WNT7B: variants seen among roughly 807,000 people sequenced by gnomAD.
WNT7B encodes the protein protein Wnt-7b.
In WNT7B, 19 loss-of-function variants were observed where a neutral mutation model predicts 38.2. That is an observed-to-expected ratio of 0.50 (90% confidence interval 0.35 to 0.73). The LOEUF is 0.73. WNT7B is among the 30% of genes least tolerant of loss of function. WNT7B has a pLI of 0.01. For missense variants in WNT7B, 423 were observed against 507.9 expected, an observed-to-expected ratio of 0.83 and a Z score of 1.61; for synonymous variants, 243 against 209.3, an observed-to-expected ratio of 1.16 and a Z score of -1.39.
chr22:45,954,037 C>G (rs1365431332), intron 1 of WNT7B, among the ~76,000 whole-genome samples: 1 of 152,142 alleles, frequency 6.6e-6, no homozygotes, highest in Non-Finnish European at 1.5e-5. Context: ...GTGGATAAAC[C>G]AAATGTGGTC....
chr22:45,945,804 C>T (rs1196855850), intron 2 of WNT7B, among the ~76,000 whole-genome samples: 3 of 152,246 alleles, frequency 2.0e-5, no homozygotes, highest in Middle Eastern at 3.2e-3. Flanking sequence ...TGAGCCCCTG[C>T]TGTGTGCAGC....
chr22:45,929,126 T>C (rs1037525147), intron 3 of WNT7B, among the ~76,000 whole-genome samples: 5 of 152,172 alleles, frequency 3.3e-5, no homozygotes, highest in Admixed American at 6.5e-5. Context: ...GGCTCGAGGA[T>C]GGTGGTGGTT....
intron 2 of WNT7B, among the ~76,000 whole-genome samples, chr22:45,935,126 C>A (rs958165049): frequency 6.6e-6 from 1 of 152,200 alleles, no homozygotes; most frequent in Non-Finnish European, 1.5e-5. Context: ...CTCCTGGGGC[C>A]GTGACTGGGC....
rs1178454403 is a variant in WNT7B at position 45,971,903 on chromosome 22, G to C, written c.71+4781C>G. Reference sequence around the variant, plus strand: ...CACAGCCTGCTCTACTCCCGCAGTCGAGCCGCTCTCAGGCCATCCTTTCTT... The same window carrying C: ...CACAGCCTGCTCTACTCCCGCAGTCCAGCCGCTCTCAGGCCATCCTTTCTT... On this transcript the variant is annotated intron_variant, in intron 1 of 3. Coordinates refer to ENST00000339464, the MANE Select transcript of WNT7B (RefSeq NM_058238.3). Among the ~76,000 whole-genome samples, 7 of 152,166 alleles carry C rather than the reference G, an allele frequency of 4.6e-5. No individual in the cohort carries two copies. In the South Asian group the frequency reaches 1.2e-3, roughly 27 times the overall value.
intron 3 of WNT7B, among the ~76,000 whole-genome samples, chr22:45,930,737 TCCGGGA>T (rs1931319280): frequency 6.6e-6 from 1 of 152,156 alleles, no homozygotes; most frequent in South Asian, 2.1e-4. Flanking sequence ...CGAGGTGACC[TCCGGGA>T]CCAGGAACGC....
chr22:45,940,652 C>T (rs745612438), intron 2 of WNT7B, among the ~76,000 whole-genome samples: 6 of 152,150 alleles, frequency 3.9e-5, no homozygotes, highest in Non-Finnish European at 7.4e-5. Flanking sequence ...ACACTGAACC[C>T]GGGGAGCAGA....
chr22:45,925,249 C>T (rs369020815), intron 3 of WNT7B: 1 of 984,564 alleles, frequency 1.0e-6, no homozygotes. Context: ...GCTGTGTGGG[C>T]CCTAGGCTGG....
chr22:45,927,047 G>A (rs1216174094), intron 3 of WNT7B: 1 of 985,314 alleles, frequency 1.0e-6, no homozygotes, highest in Non-Finnish European at 1.2e-6. Flanking sequence ...CACCAAGAGA[G>A]GTGCCCTCAG....
rs1931340696 is a variant in WNT7B, at chr22:45,931,173, G to C, written c.495C>G (p.Arg165=). Residue 165 remains arginine, a synonymous_variant, in exon 3 of 4, where the codon CGC becomes CGG. Coordinates refer to ENST00000339464, the MANE Select transcript of WNT7B (RefSeq NM_058238.3). ...TCTTGATCTCCCGAGCGTCCACGAA[G>C]CGCCGGGAGAAGTCGATGCCGTAAC... The part of the protein sequence containing the change: ...DVRYGIDFSR[R]FVDAREIKKN... 1.3e-6 allele frequency: 2 copies of C among 1,599,566 alleles called. No homozygotes were observed.
intron 1 of WNT7B, among the ~76,000 whole-genome samples, chr22:45,957,682 CAAAAAAAAAAAAAAAAA>C (rs367797133): frequency 0.011 from 411 of 36,034 alleles, 13 homozygotes; most frequent in Admixed American, 0.031. Flanking sequence ...GACTCCGTCT[CAAAAAAAAAAAAAAAAA>C]AAAAAAAAAA....
intron 1 of WNT7B, among the ~76,000 whole-genome samples, chr22:45,970,950 G>C (rs1932422302): frequency 1.3e-5 from 2 of 152,264 alleles, no homozygotes; most frequent in South Asian, 4.1e-4. Context: ...CCCGGACCTT[G>C]TAATTATGTC....
chr22:45,975,670 G>A lies in WNT7B; in HGVS notation c.71+1014C>T, dbSNP rs2146759050. 1 of 691,224 alleles carries A rather than the reference G, an allele frequency of 1.4e-6. No individual in the cohort carries two copies. Among genetic ancestry groups the A allele is most frequent in the Non-Finnish European group, 2.7e-6 (1 of 370,490 alleles). 42.8% of individuals were successfully genotyped at this position (691,224 alleles called of 1,614,324 possible). A position where few individuals can be genotyped will look rare whatever the true frequency, so the allele number is the denominator to read the frequency against. On this transcript the variant is annotated intron_variant, in intron 1 of 3. Transcript: ENST00000339464. This position sits in a 1 kb window ranked among gnomAD's most constrained non-coding sequence, Gnocchi z 6.6. ...TGGTACCTGCACCTGCCCCTCCCGC[G>A]GGTCTGTTCACCGCCTTGCCTGTGG...
chr22:45,928,412 G>A (rs1049066935), intron 3 of WNT7B, among the ~76,000 whole-genome samples: 3 of 152,232 alleles, frequency 2.0e-5, no homozygotes, highest in Admixed American at 6.5e-5. Flanking sequence ...TCGGGGCAGT[G>A]AGGAGTTGGG....
rs970091150 is a variant in WNT7B, at chr22:45,951,027, G to C, written c.72-881C>G. On this transcript the variant is annotated intron_variant, in intron 1 of 3. Coordinates refer to ENST00000339464, the MANE Select transcript of WNT7B (RefSeq NM_058238.3). The surrounding 1 kb of genome is among the most constrained non-coding windows in gnomAD (Gnocchi z 4.8). ...CCCTAGACAAGAACCCGCAGGTCAC[G>C]CTCACTCTACTTCAAGTGATATCAG... is the stretch of plus-strand genomic sequence containing the variant. Among the ~76,000 whole-genome samples, 9 of 152,178 alleles carry C rather than the reference G, an allele frequency of 5.9e-5. No individual in the cohort carries two copies. The highest frequency in any genetic ancestry group is 2.2e-4 in the African/African-American group (9 of 41,426).
rs774494844 is a variant in WNT7B, at chr22:45,976,802, C to A, written c.-48G>T. 3.9e-6 allele frequency: 6 copies of A among 1,549,674 alleles called. No homozygotes were observed. Among genetic ancestry groups the A allele is most frequent in the South Asian group, 1.1e-5 (1 of 87,534 alleles). ...CATAGACAGCGGCGGCCGGAGGGGA[C>A]GCGCGGGCCCGGCAGGGCCGGGCAG... On this transcript the variant is annotated 5_prime_UTR_variant, in exon 1 of 4. Coordinates refer to ENST00000339464, the MANE Select transcript of WNT7B (RefSeq NM_058238.3). The surrounding 1 kb of genome is among the most constrained non-coding windows in gnomAD (Gnocchi z 8.5).
chr22:45,961,624 G>A (rs1178560717), intron 1 of WNT7B, among the ~76,000 whole-genome samples: 5 of 152,034 alleles, frequency 3.3e-5, no homozygotes, highest in African/African-American at 7.2e-5. Flanking sequence ...CTGGGCAGGT[G>A]GGGGGTGGGC....
At chr22:45,929,445 C>T (rs1293277124) in intron 3 of WNT7B, among the ~76,000 whole-genome samples, 1 of 140,000 alleles carries the variant, frequency 7.1e-6, no homozygotes, top group Non-Finnish European at 1.5e-5. Flanking sequence ...CCCACTGATC[C>T]ATCCTTTGAT....
intron 2 of WNT7B, among the ~76,000 whole-genome samples, chr22:45,935,509 A>G (rs1931492970): frequency 1.3e-5 from 2 of 151,984 alleles, no homozygotes; most frequent in African/African-American, 2.4e-5. Context: ...ACCCTCCCAC[A>G]TATCCACACA....
chr22:45,925,869 G>A (rs10453446), intron 3 of WNT7B: 1 of 985,308 alleles, frequency 1.0e-6, no homozygotes, highest in Non-Finnish European at 1.2e-6. Flanking sequence ...GTCCAGACTA[G>A]AGGGTGTGCA....
Sources: gnomAD v4.1 joint callset for allele counts (sites outside exome capture counted in the v4.1 genomes callset) on GRCh38, gnomAD v4.1.1 for gene constraint, Gnocchi (gnomAD v3.1) non-coding constraint, MANE v1.5 for transcripts, NCBI Gene and HGNC (gene_info 2026-07-23, HGNC 2026-07-21) for gene names.